The following SLC16A10 variants were observed in gnomAD, a reference collection of about 807,000 sequenced individuals.
SLC16A10 encodes the protein solute carrier family 16 member 10, also known as monocarboxylate transporter 10.
In SLC16A10, 27 loss-of-function variants were observed where a neutral mutation model predicts 40.0. The ratio of observed to expected loss-of-function variants is 0.67; its 90% CI spans 0.50 to 0.93. The LOEUF (loss-of-function observed/expected upper bound fraction) is 0.93, where lower values mean the gene tolerates loss of function less well. Among genes scored for constraint, SLC16A10 ranks in the 40% least tolerant of loss-of-function variants. The pLI, the probability that SLC16A10 is intolerant of heterozygous loss-of-function variation, is 0.00. For synonymous variants in SLC16A10, 213 were observed against 249.8 expected (o/e 0.85, Z 1.39); for missense variants, 529 against 658.2 (o/e 0.80, Z 2.15).
At chr6:111,137,052 A>T (rs1238673121) in intron 1 of SLC16A10, among the ~76,000 whole-genome samples, 1 of 152,192 alleles carries the variant, frequency 6.6e-6, no homozygotes, top group African/African-American at 2.4e-5. Context: ...TGCTGTAAGA[A>T]AGGACAGAGA....
intron 1 of SLC16A10, among the ~76,000 whole-genome samples, chr6:111,098,494 TTA>T (rs1276665395): frequency 1.3e-5 from 2 of 152,110 alleles, no homozygotes; most frequent in African/African-American, 4.8e-5. Flanking sequence ...AAGCCAAAAT[TTA>T]TATTTGTGTT....
intron 4 of SLC16A10, among the ~76,000 whole-genome samples, chr6:111,215,819 A>G (rs1773412826): frequency 6.6e-6 from 1 of 152,208 alleles, no homozygotes; most frequent in Non-Finnish European, 1.5e-5. Flanking sequence ...GGCCTGGGCA[A>G]CATAGTAAGA....
At chr6:111,210,195 G>A (rs1025842179) in intron 4 of SLC16A10, among the ~76,000 whole-genome samples, 2 of 152,102 alleles carry the variant, frequency 1.3e-5, no homozygotes, top group African/African-American at 4.8e-5. Flanking sequence ...CCTTGCCCCA[G>A]CCCTTTAAGA....
intron 1 of SLC16A10, among the ~76,000 whole-genome samples, chr6:111,093,216 C>G (rs1391720881): frequency 2.0e-5 from 3 of 151,826 alleles, no homozygotes; most frequent in Non-Finnish European, 4.4e-5. Flanking sequence ...GTCTCACACA[C>G]AAAAAAAGTG....
chr6:111,149,600 T>C (rs1772137985), intron 1 of SLC16A10, among the ~76,000 whole-genome samples: 1 of 152,228 alleles, frequency 6.6e-6, no homozygotes, highest in Admixed American at 6.5e-5. Flanking sequence ...ATAAGGCTTA[T>C]AATAAAGAGT....
rs1339907088 is a variant in SLC16A10, at chr6:111,225,922, T to C, written c.*3687T>C. Reference sequence around the variant, plus strand: ...AAACCTCCTGAAGAGTCCATTAACATCCATGCTTAGTTCCACTGGTTGCAT... The same window carrying C: ...AAACCTCCTGAAGAGTCCATTAACACCCATGCTTAGTTCCACTGGTTGCAT... On this transcript the variant is annotated 3_prime_UTR_variant, in exon 6 of 6. Transcript: ENST00000368851. 6.6e-6 allele frequency: 1 copy of C among 152,190 alleles called. No homozygotes were observed. Among genetic ancestry groups the C allele is most frequent in the Non-Finnish European group, 1.5e-5 (1 of 68,044 alleles). 9.4% of individuals were successfully genotyped at this position (152,190 alleles called of 1,614,324 possible).
At chr6:111,112,239 T>G (rs1318409243) in intron 1 of SLC16A10, among the ~76,000 whole-genome samples, 1 of 152,124 alleles carries the variant, frequency 6.6e-6, no homozygotes, top group Admixed American at 6.5e-5. Context: ...GTCTCTGTGT[T>G]GCCTAGGCTG....
chr6:111,087,708 G>T lies in SLC16A10; in HGVS notation c.-45G>T. ...TCCTCCGGGAGCCCGCTGGTAACTC[G>T]CGTCCCTCGCGCTTCTCCGGCGCCT... is the stretch of plus-strand genomic sequence containing the variant. On this transcript the variant is annotated 5_prime_UTR_variant, in exon 1 of 6. Coordinates refer to ENST00000368851, the MANE Select transcript of SLC16A10 (RefSeq NM_018593.5). The T allele has an allele frequency of 1.8e-6, 2 of 1,089,802 alleles. No homozygotes were observed. The highest frequency in any genetic ancestry group is 2.3e-6 in the Non-Finnish European group (2 of 867,366). The allele number at this position is 1,089,802 out of a possible 1,614,324, so 67.5% of individuals were successfully genotyped here.
At chr6:111,137,770 T>C (rs1771907434) in intron 1 of SLC16A10, among the ~76,000 whole-genome samples, 1 of 152,220 alleles carries the variant, frequency 6.6e-6, no homozygotes, top group African/African-American at 2.4e-5. Context: ...TAGCTGGATT[T>C]CCTAGGCCGA....
chr6:111,190,028 G>A (rs935797502), intron 3 of SLC16A10, among the ~76,000 whole-genome samples: 4 of 152,122 alleles, frequency 2.6e-5, no homozygotes, highest in African/African-American at 4.8e-5. Context: ...CTGAGACAAG[G>A]CAAGTCCCCT....
chr6:111,136,293 G>A (rs530034217), intron 1 of SLC16A10, among the ~76,000 whole-genome samples: 55 of 152,308 alleles, frequency 3.6e-4, no homozygotes, highest in African/African-American at 1.1e-3. Flanking sequence ...ACACAGGTCC[G>A]AGGGACCAGC....
chr6:111,183,091 T>C (rs994274326), intron 3 of SLC16A10, among the ~76,000 whole-genome samples: 1 of 152,192 alleles, frequency 6.6e-6, no homozygotes, highest in Non-Finnish European at 1.5e-5. Context: ...CCCATTTCCC[T>C]AAGAGTAAAA....
chr6:111,184,441 A>G (rs1772857662), intron 3 of SLC16A10, among the ~76,000 whole-genome samples: 1 of 152,044 alleles, frequency 6.6e-6, no homozygotes, highest in Non-Finnish European at 1.5e-5. Context: ...GCTTGCTAGC[A>G]GGGCAATTAG....
intron 2 of SLC16A10, among the ~76,000 whole-genome samples, chr6:111,175,115 C>T (rs1436736123): frequency 6.6e-6 from 1 of 152,172 alleles, no homozygotes; most frequent in Non-Finnish European, 1.5e-5. Context: ...CCTCTAGCTC[C>T]AGTTCTGCCT....
chr6:111,181,967 C>G (rs1020806746), intron 3 of SLC16A10, among the ~76,000 whole-genome samples: 1 of 151,614 alleles, frequency 6.6e-6, no homozygotes, highest in Non-Finnish European at 1.5e-5. Flanking sequence ...TTTCTGGAAT[C>G]TTTTTTTGTT....
Position 111,226,985 on chromosome 6 carries a change from G to A in SLC16A10, c.*4750G>A, listed in dbSNP as rs1038778614. ...CGTCTCTACAAAAAAAATTTAGCCA[G>A]CTTGGTGGCACATGCCTGTAGTCCC... On this transcript the variant is annotated 3_prime_UTR_variant, in exon 6 of 6. Transcript: ENST00000368851. 2.0e-5 allele frequency: 3 copies of A among 152,328 alleles called. No homozygotes were observed. Among genetic ancestry groups the A allele is most frequent in the Non-Finnish European group, 4.4e-5 (3 of 68,132 alleles). The allele number at this position is 152,328 out of a possible 1,614,324, so 9.4% of individuals were successfully genotyped here. A position where few individuals can be genotyped will look rare whatever the true frequency, so the allele number is the denominator to read the frequency against.
intron 1 of SLC16A10, among the ~76,000 whole-genome samples, chr6:111,132,191 G>A (rs1771796083): frequency 6.6e-6 from 1 of 152,110 alleles, no homozygotes; most frequent in Non-Finnish European, 1.5e-5. Flanking sequence ...GGAGAAGAGA[G>A]AGAGAGAGAG....
intron 4 of SLC16A10, among the ~76,000 whole-genome samples, chr6:111,214,498 C>G (rs1467653534): frequency 6.6e-6 from 1 of 152,124 alleles, no homozygotes; most frequent in African/African-American, 2.4e-5. Flanking sequence ...TCCTTGTGGC[C>G]CAGGCATCCC....
At chr6:111,135,941 A>G (rs1771869688) in intron 1 of SLC16A10, among the ~76,000 whole-genome samples, 1 of 152,212 alleles carries the variant, frequency 6.6e-6, no homozygotes, top group Non-Finnish European at 1.5e-5. Context: ...CAAAGGCACC[A>G]GGGCCCTCAG....
Sources: gnomAD v4.1 joint callset for allele counts (sites outside exome capture counted in the v4.1 genomes callset) on GRCh38, gnomAD v4.1.1 for gene constraint, MANE v1.5 for transcripts, NCBI Gene and HGNC (gene_info 2026-07-23, HGNC 2026-07-21) for gene names.